EPB41L5: variants seen among roughly 807,000 people sequenced by gnomAD.
The protein encoded by EPB41L5 is erythrocyte membrane protein band 4.1 like 5.
EPB41L5 carries 55 observed loss-of-function variants against 106.6 expected under a neutral mutation model. The ratio of observed to expected loss-of-function variants is 0.52; its 90% CI spans 0.42 to 0.65. The LOEUF is 0.65. Ranked by LOEUF, EPB41L5 falls within the 30% of genes least tolerant of loss-of-function variation. EPB41L5 has a pLI of 0.00. For synonymous variants in EPB41L5, 297 were observed against 306.7 expected (o/e 0.97, Z 0.33); for missense variants, 871 against 882.1 (o/e 0.99, Z 0.16).
At chr2:120,173,008 G>A (rs954417028) in intron 24 of EPB41L5, among the ~76,000 whole-genome samples, 6 of 152,102 alleles carry the variant, frequency 3.9e-5, no homozygotes, top group East Asian at 1.9e-4. Context: ...CAAGGAGATC[G>A]CTTAAGACCG....
chr2:120,041,541 C>T (rs947514043), intron 2 of EPB41L5, among the ~76,000 whole-genome samples: 5 of 152,162 alleles, frequency 3.3e-5, no homozygotes, highest in Admixed American at 1.3e-4. Flanking sequence ...TTTGATTCTT[C>T]TGCATCAAGC....
At chr2:120,041,750 C>G (rs1679419892) in intron 2 of EPB41L5, among the ~76,000 whole-genome samples, 1 of 152,144 alleles carries the variant, frequency 6.6e-6, no homozygotes, top group Non-Finnish European at 1.5e-5. Context: ...ATTTGTATCT[C>G]AAAATAGGTA....
intron 3 of EPB41L5, among the ~76,000 whole-genome samples, chr2:120,051,992 A>C (rs6718424): frequency 0.14 from 20,617 of 151,988 alleles, 1,833 homozygotes; most frequent in Middle Eastern, 0.24. Context: ...GTGCCTGGCT[A>C]ATGTTTGTAT....
chr2:120,017,179 A>G (rs1467286293), intron 1 of EPB41L5, among the ~76,000 whole-genome samples: 1 of 152,196 alleles, frequency 6.6e-6, no homozygotes, highest in East Asian at 1.9e-4. Context: ...TGAGGCAATC[A>G]TTTTCACATT....
intron 9 of EPB41L5, among the ~76,000 whole-genome samples, chr2:120,077,647 C>G (rs1178614119): frequency 6.6e-6 from 1 of 152,024 alleles, no homozygotes; most frequent in East Asian, 1.9e-4. Flanking sequence ...TGTTATACGA[C>G]TTACACTGAG....
At chr2:120,024,740 T>G (rs1243316115) in intron 2 of EPB41L5, among the ~76,000 whole-genome samples, 1 of 152,142 alleles carries the variant, frequency 6.6e-6, no homozygotes, top group African/African-American at 2.4e-5. Context: ...ATTACAGGCG[T>G]GAGCCACCAC....
At chr2:120,103,364 G>T (rs1308884218) in intron 16 of EPB41L5, among the ~76,000 whole-genome samples, 1 of 152,124 alleles carries the variant, frequency 6.6e-6, no homozygotes, top group Admixed American at 6.5e-5. Flanking sequence ...GTGATAAAAG[G>T]TGCCTAATAT....
intron 14 of EPB41L5, among the ~76,000 whole-genome samples, chr2:120,095,888 T>C (rs1348324932): frequency 6.6e-6 from 1 of 152,124 alleles, no homozygotes; most frequent in African/African-American, 2.4e-5. Flanking sequence ...CAGGCTGGTT[T>C]CGAACTCTTG....
chr2:120,069,720 G>C (rs1681726479), intron 3 of EPB41L5, among the ~76,000 whole-genome samples: 1 of 152,122 alleles, frequency 6.6e-6, no homozygotes, highest in African/African-American at 2.4e-5. Context: ...AATGACTACT[G>C]GGTAAATAAT....
intron 14 of EPB41L5, among the ~76,000 whole-genome samples, chr2:120,097,279 T>C (rs1683822521): frequency 6.6e-6 from 1 of 152,192 alleles, no homozygotes; most frequent in African/African-American, 2.4e-5. Flanking sequence ...CCCATCGCAG[T>C]GCTTGAGAAA....
At chr2:120,013,852 C>T (rs1677320884) in intron 1 of EPB41L5, among the ~76,000 whole-genome samples, 1 of 152,234 alleles carries the variant, frequency 6.6e-6, no homozygotes, top group South Asian at 2.1e-4. Flanking sequence ...ATATTTTAGA[C>T]TAATATTAAA....
chr2:120,133,057 A>G (rs1224755834), intron 18 of EPB41L5, among the ~76,000 whole-genome samples: 1 of 152,202 alleles, frequency 6.6e-6, no homozygotes, highest in African/African-American at 2.4e-5. Context: ...GGTTCAGGAT[A>G]GGAGAGTAAA....
intron 2 of EPB41L5, among the ~76,000 whole-genome samples, chr2:120,021,432 C>G (rs913289924): frequency 4.0e-4 from 61 of 152,060 alleles, no homozygotes; most frequent in African/African-American, 1.4e-3. Flanking sequence ...ATCACAAGGT[C>G]AGGAGTTTGA....
chr2:120,103,802 C>T (rs967182134), intron 16 of EPB41L5, among the ~76,000 whole-genome samples: 3 of 152,108 alleles, frequency 2.0e-5, no homozygotes, highest in African/African-American at 7.2e-5. Context: ...TGAGAAATTT[C>T]TTCTTTAATT....
chr2:120,131,185 G>A (rs1685670387), intron 17 of EPB41L5, among the ~76,000 whole-genome samples: 1 of 152,140 alleles, frequency 6.6e-6, no homozygotes, highest in African/African-American at 2.4e-5. Flanking sequence ...TCATTAGTTT[G>A]TTCCACATAA....
intron 1 of EPB41L5, among the ~76,000 whole-genome samples, chr2:120,015,044 C>T (rs1400282242): frequency 6.6e-6 from 1 of 150,408 alleles, no homozygotes; most frequent in Non-Finnish European, 1.5e-5. Flanking sequence ...AAAAATTAGG[C>T]CAGGCGCAGT....
intron 2 of EPB41L5, among the ~76,000 whole-genome samples, chr2:120,026,476 C>G (rs994039606): frequency 3.9e-5 from 6 of 152,218 alleles, no homozygotes; most frequent in African/African-American, 1.4e-4. Flanking sequence ...TCAAGCCAGT[C>G]TCCTGCCTCA....
chr2:120,163,636 A>C (rs1216440274), intron 21 of EPB41L5, among the ~76,000 whole-genome samples: 2 of 149,472 alleles, frequency 1.3e-5, no homozygotes, highest in Non-Finnish European at 1.5e-5. Context: ...ATTACCATAC[A>C]GAGTAGTACC....
chr2:120,161,373 C>G (rs1687133891), intron 21 of EPB41L5, among the ~76,000 whole-genome samples: 1 of 75,844 alleles, frequency 1.3e-5, no homozygotes, highest in African/African-American at 4.6e-5. Context: ...GTGAGACTGT[C>G]TCAAAAAAAA....
Sources: allele counts gnomAD v4.1 joint callset (sites outside exome capture counted in the v4.1 genomes callset), GRCh38; gene constraint gnomAD v4.1.1; transcripts MANE v1.5; gene names NCBI Gene and HGNC (gene_info 2026-07-23, HGNC 2026-07-21).